Variants in KCNQ5 observed in about 807,000 individuals in gnomAD.
The protein encoded by KCNQ5 is potassium voltage-gated channel subfamily Q member 5, also known as potassium voltage-gated channel subfamily KQT member 5.
Under a neutral mutation model 98.2 loss-of-function variants are expected in KCNQ5, and 30 were observed. That is an observed-to-expected ratio of 0.31 (90% CI 0.23 to 0.41). The LOEUF (loss-of-function observed/expected upper bound fraction) is 0.41. KCNQ5 is among the 10% of genes least tolerant of loss of function. The pLI, the probability that KCNQ5 is intolerant of heterozygous loss-of-function variation, is 1.00. For synonymous variants in KCNQ5, 458 were observed against 449.4 expected (o/e 1.02, Z -0.24); for missense variants, 835 against 1,182.5 (o/e 0.71, Z 4.31).
At chr6:72,825,786 A>AG (rs1397116638) in intron 1 of KCNQ5, among the ~76,000 whole-genome samples, 1 of 152,154 alleles carries the variant, frequency 6.6e-6, no homozygotes, top group African/African-American at 2.4e-5. Context: ...AGCACATGGG[A>AG]GGCACTGTAT....
chr6:72,824,590 G>T (rs1775903181), intron 1 of KCNQ5, among the ~76,000 whole-genome samples: 1 of 152,044 alleles, frequency 6.6e-6, no homozygotes, highest in African/African-American at 2.4e-5. Context: ...TTCATCCTAG[G>T]ATTGGTCATG....
In KCNQ5 at chr6:72,736,504, T is replaced by G. The variant is rs548892721; in HGVS notation, c.398+113917T>G. Among the ~76,000 whole-genome samples the G allele has an allele frequency of 3.0e-5, 4 of 132,052 alleles. No homozygotes were observed. The South Asian group carries it at 7.3e-4, about 24-fold the overall frequency. The allele number at this position is 132,052 out of a possible 152,430, so 86.6% of individuals were successfully genotyped here. ...TGCTTACATGTAAAAAAAGATTTCT[T>G]TTTTTTTTTTTTTGAGACGGAGTCT... On this transcript the variant is annotated intron_variant, in intron 1 of 13. Coordinates refer to ENST00000370398, the MANE Select transcript of KCNQ5 (RefSeq NM_019842.4).
chr6:73,155,809 T>C (rs1198163730), intron 10 of KCNQ5, among the ~76,000 whole-genome samples: 1 of 152,224 alleles, frequency 6.6e-6, no homozygotes, highest in African/African-American at 2.4e-5. Flanking sequence ...CATGTATTAC[T>C]ATTATAATGA....
At chr6:73,192,168 G>A (rs1419434197) in intron 12 of KCNQ5, among the ~76,000 whole-genome samples, 1 of 152,166 alleles carries the variant, frequency 6.6e-6, no homozygotes, top group Non-Finnish European at 1.5e-5. Flanking sequence ...TTTCTTATCT[G>A]CTTATCTTTC....
intron 1 of KCNQ5, among the ~76,000 whole-genome samples, chr6:72,700,667 A>T (rs1314416025): frequency 6.6e-6 from 1 of 152,180 alleles, no homozygotes; most frequent in Non-Finnish European, 1.5e-5. Context: ...ATAGCAACCC[A>T]TTCACTCCGC....
intron 1 of KCNQ5, among the ~76,000 whole-genome samples, chr6:72,946,466 CTG>C (rs1383952936): frequency 1.3e-5 from 2 of 152,034 alleles, no homozygotes; most frequent in Non-Finnish European, 2.9e-5. Context: ...AAAAACATAA[CTG>C]AGTTACAAGC....
intron 1 of KCNQ5, among the ~76,000 whole-genome samples, chr6:72,636,205 G>A (rs1402541152): frequency 6.6e-6 from 1 of 152,056 alleles, no homozygotes; most frequent in Non-Finnish European, 1.5e-5. Context: ...GCACAATAAA[G>A]AAGTCCAAAT....
rs555434258 is a variant in KCNQ5, at chr6:72,733,883, G to A, written c.398+111296G>A. Reference sequence around the variant, plus strand: ...GGAATTTGTACTTCCTCCAGTCCACGTGGCTATGTCATTTTCTCCATTAGT... The same window carrying A: ...GGAATTTGTACTTCCTCCAGTCCACATGGCTATGTCATTTTCTCCATTAGT... On this transcript the variant is annotated intron_variant, in intron 1 of 13. Transcript: ENST00000370398. 2.0e-4 allele frequency among the ~76,000 whole-genome samples: 30 copies of A among 152,292 alleles called. 1 individual carries two copies. The South Asian group carries it at 5.8e-3, about 29-fold the overall frequency.
chr6:73,157,472 A>C (rs1297959633), intron 10 of KCNQ5: 1 of 695,896 alleles, frequency 1.4e-6, no homozygotes, highest in African/African-American at 1.8e-5. Context: ...TCCCGGCACC[A>C]CCACAGATTC....
intron 1 of KCNQ5, among the ~76,000 whole-genome samples, chr6:72,917,898 C>T (rs1409890701): frequency 6.6e-6 from 1 of 152,142 alleles, no homozygotes; most frequent in Non-Finnish European, 1.5e-5. Flanking sequence ...TCAACATCAG[C>T]ACTATTGACA....
intron 8 of KCNQ5, 82 bp downstream of exon 8, chr6:73,120,659 A>T: frequency 1.2e-6 from 1 of 848,396 alleles, no homozygotes; most frequent in Non-Finnish European, 1.8e-6. Context: ...ACACAAAAAA[A>T]GGTGTTAATG....
At chr6:73,088,286 G>C (rs1774075936) in intron 5 of KCNQ5, among the ~76,000 whole-genome samples, 1 of 152,076 alleles carries the variant, frequency 6.6e-6, no homozygotes, top group East Asian at 1.9e-4. Context: ...CTCCCAAAGT[G>C]CTGAGATTAC....
At chr6:72,860,796 G>A (rs957754669) in intron 1 of KCNQ5, among the ~76,000 whole-genome samples, 2 of 151,388 alleles carry the variant, frequency 1.3e-5, no homozygotes, top group Non-Finnish European at 2.9e-5. Flanking sequence ...GTTTATTCTT[G>A]GTCTTAATGT....
intron 1 of KCNQ5, among the ~76,000 whole-genome samples, chr6:72,905,935 G>A (rs1285753425): frequency 2.0e-5 from 3 of 152,166 alleles, no homozygotes; most frequent in Non-Finnish European, 2.9e-5. Context: ...AGAGGAACCA[G>A]TGGTGGACAG....
intron 1 of KCNQ5, among the ~76,000 whole-genome samples, chr6:72,754,932 C>CT (rs936490046): frequency 1.3e-5 from 2 of 150,104 alleles, no homozygotes; most frequent in Admixed American, 6.6e-5. Context: ...GAGTTTGTCA[C>CT]TTTTTTTTTA....
At chr6:72,890,149 C>A (rs1006778929) in intron 1 of KCNQ5, among the ~76,000 whole-genome samples, 9 of 152,134 alleles carry the variant, frequency 5.9e-5, no homozygotes, top group African/African-American at 2.2e-4. Flanking sequence ...TTTAAAATTG[C>A]ATATATTTAA....
At chr6:73,064,148 T>G (rs140325576) in intron 3 of KCNQ5, among the ~76,000 whole-genome samples, 116 of 152,276 alleles carry the variant, frequency 7.6e-4, no homozygotes, top group African/African-American at 2.7e-3. Flanking sequence ...TCAAAGAACT[T>G]CCTGAAGATA....
chr6:73,012,021 A>G (rs1042759679), intron 2 of KCNQ5, among the ~76,000 whole-genome samples: 3 of 152,090 alleles, frequency 2.0e-5, no homozygotes, highest in Admixed American at 1.3e-4. Context: ...AATTGGTGGG[A>G]CTGTGAAATG....
At chr6:72,951,028 C>T (rs1459441855) in intron 1 of KCNQ5, among the ~76,000 whole-genome samples, 2 of 152,044 alleles carry the variant, frequency 1.3e-5, no homozygotes, top group Admixed American at 1.3e-4. Context: ...AAACTTTAAG[C>T]CTGATTTCTA....
Sources: gnomAD v4.1 joint callset for allele counts (sites outside exome capture counted in the v4.1 genomes callset) on GRCh38, gnomAD v4.1.1 for gene constraint, MANE v1.5 for transcripts, NCBI Gene and HGNC (gene_info 2026-07-23, HGNC 2026-07-21) for gene names.